The following NFIB variants were observed in gnomAD, a reference collection of about 807,000 sequenced individuals.
NFIB encodes nuclear factor I B.
A neutral mutation model predicts 61.5 loss-of-function variants in NFIB; 11 were observed. The observed-to-expected ratio is 0.18, with a 90% confidence interval of 0.11 to 0.30. The LOEUF (loss-of-function observed/expected upper bound fraction) is 0.30, where lower values mean the gene tolerates loss of function less well. Ranked by LOEUF, NFIB falls within the 10% of genes least tolerant of loss-of-function variation. The probability of loss-of-function intolerance (pLI) is 1.00; values close to 1 mark genes in which losing one functional copy is unlikely to be tolerated. For missense variants in NFIB, 471 were observed against 608.9 expected (o/e 0.77, Z 2.38); for synonymous variants, 260 against 216.5 (o/e 1.20, Z -1.76).
At chr9:14,229,546 TAA>T (rs1165460175) in intron 2 of NFIB, among the ~76,000 whole-genome samples, 1 of 152,224 alleles carries the variant, frequency 6.6e-6, no homozygotes, top group East Asian at 1.9e-4. Flanking sequence ...ATAATGTATG[TAA>T]AGTTTGTGGC....
chr9:14,188,067 T>C (rs911129446), intron 2 of NFIB, among the ~76,000 whole-genome samples: 4 of 152,186 alleles, frequency 2.6e-5, no homozygotes, highest in Admixed American at 6.6e-5. Context: ...ATAATCAGGA[T>C]CACCTACAGT....
the NFIB span, among the ~76,000 whole-genome samples, chr9:14,456,432 A>G: frequency 6.6e-6 from 1 of 152,208 alleles, no homozygotes; most frequent in Admixed American, 6.5e-5. Flanking sequence ...AATGTTTTCA[A>G]CTTATATAGA....
intron 9 of NFIB, among the ~76,000 whole-genome samples, chr9:14,115,816 GA>G (rs1204511897): frequency 6.6e-6 from 1 of 152,170 alleles, no homozygotes; most frequent in East Asian, 1.9e-4. Flanking sequence ...ATTTCTATAG[GA>G]ATGCTCCAAT....
At chr9:14,306,704 C>G (rs771040879) in intron 2 of NFIB, among the ~76,000 whole-genome samples, 43 of 152,070 alleles carry the variant, frequency 2.8e-4, no homozygotes, top group Non-Finnish European at 5.1e-4. Flanking sequence ...TTAGACTACC[C>G]TATGTCTTTG....
At chr9:14,264,423 C>A (rs2057028369) in intron 2 of NFIB, among the ~76,000 whole-genome samples, 1 of 152,090 alleles carries the variant, frequency 6.6e-6, no homozygotes, top group South Asian at 2.1e-4. Flanking sequence ...AATAAAGAAA[C>A]TGACTAAAGG....
At chr9:14,254,440 T>C (rs1222562056) in intron 2 of NFIB, among the ~76,000 whole-genome samples, 1 of 152,214 alleles carries the variant, frequency 6.6e-6, no homozygotes, top group Admixed American at 6.5e-5. Flanking sequence ...AACACTGACT[T>C]GATATGGGCT....
the NFIB span, among the ~76,000 whole-genome samples, chr9:14,420,445 CAA>C: frequency 6.5e-3 from 274 of 42,374 alleles, no homozygotes; most frequent in African/African-American, 0.024. Flanking sequence ...GACTCCGTCT[CAA>C]AAAAAAAAAA....
At chr9:14,318,395 T>C (rs2132803558), upstream of NFIB, among the ~76,000 whole-genome samples, 1 of 152,206 alleles carries the variant, frequency 6.6e-6, no homozygotes, top group Middle Eastern at 3.4e-3. Flanking sequence ...GTTTTTCTTT[T>C]AACCTTTTCC....
At chr9:14,388,270 G>A (rs181283044) in intron 1 of NFIB, among the ~76,000 whole-genome samples, 2 of 152,214 alleles carry the variant, frequency 1.3e-5, no homozygotes, top group African/African-American at 4.8e-5. Flanking sequence ...CTACATGGAG[G>A]AGGCTGGGGT....
intron 2 of NFIB, among the ~76,000 whole-genome samples, chr9:14,237,084 A>C (rs1354514681): frequency 6.6e-6 from 1 of 152,186 alleles, no homozygotes; most frequent in African/African-American, 2.4e-5. Context: ...CAGTAGGGCC[A>C]CTAACCCACA....
the NFIB span, among the ~76,000 whole-genome samples, chr9:14,511,478 T>C: frequency 1.3e-5 from 2 of 151,260 alleles, no homozygotes; most frequent in South Asian, 4.2e-4. Context: ...TATATAATAG[T>C]TTCTGTATAT....
At chr9:14,109,296 T>C (rs2037006208) in intron 10 of NFIB, among the ~76,000 whole-genome samples, 1 of 152,218 alleles carries the variant, frequency 6.6e-6, no homozygotes, top group South Asian at 2.1e-4. Flanking sequence ...GGAAACGTGG[T>C]TCCTTCATTG....
chr9:14,365,217 C>G (rs549035839), intron 1 of NFIB, among the ~76,000 whole-genome samples: 3 of 152,268 alleles, frequency 2.0e-5, no homozygotes, highest in East Asian at 1.9e-4. Flanking sequence ...TCGAGACCAC[C>G]GTTTATGTTT....
intron 1 of NFIB, among the ~76,000 whole-genome samples, chr9:14,381,984 A>C (rs1373934276): frequency 1.3e-5 from 2 of 152,232 alleles, no homozygotes; most frequent in African/African-American, 4.8e-5. Context: ...GCTTAGCTGG[A>C]AAAAATGCTA....
chr9:14,340,186 G>A (rs1249923922), intron 1 of NFIB, among the ~76,000 whole-genome samples: 1 of 152,134 alleles, frequency 6.6e-6, no homozygotes, highest in African/African-American at 2.4e-5. Context: ...TCTGATCTGC[G>A]CATTAGCATT....
intron 2 of NFIB, among the ~76,000 whole-genome samples, chr9:14,273,041 C>T (rs963466202): frequency 2.0e-5 from 3 of 152,050 alleles, no homozygotes; most frequent in South Asian, 2.1e-4. Context: ...GAGTGTCAGT[C>T]CTAAGTCAAG....
At chr9:14,476,310 A>G in the NFIB span, among the ~76,000 whole-genome samples, 3 of 152,200 alleles carry the variant, frequency 2.0e-5, no homozygotes, top group African/African-American at 7.2e-5. Context: ...TTTATCTAAA[A>G]AAATGTAAAA....
At chr9:14,309,519 T>C (rs190917735) in intron 1 of NFIB, among the ~76,000 whole-genome samples, 1 of 152,314 alleles carries the variant, frequency 6.6e-6, no homozygotes, top group Admixed American at 6.5e-5. Context: ...ATCAGTAGTT[T>C]CCAGCAGAGA....
intron 10 of NFIB, among the ~76,000 whole-genome samples, chr9:14,110,882 G>A (rs1339248221): frequency 6.6e-6 from 1 of 151,958 alleles, no homozygotes; most frequent in Non-Finnish European, 1.5e-5. Flanking sequence ...AAGCATATAT[G>A]GGCTTCTTCA....
Sources: allele counts gnomAD v4.1 joint callset (sites outside exome capture counted in the v4.1 genomes callset), GRCh38; gene constraint gnomAD v4.1.1; transcripts MANE v1.5; gene names NCBI Gene and HGNC (gene_info 2026-07-23, HGNC 2026-07-21).